KRTAP4-9: variants seen among roughly 807,000 people sequenced by gnomAD.
KRTAP4-9 encodes keratin-associated protein 4-9.
In KRTAP4-9, 4 loss-of-function variants were observed where a neutral mutation model predicts 4.3. That is an observed-to-expected ratio of 0.94 (90% CI 0.46 to 2.15). The LOEUF (loss-of-function observed/expected upper bound fraction) is 2.15, where lower values mean the gene tolerates loss of function less well. Among genes scored for constraint, KRTAP4-9 ranks in the 30% most tolerant of loss-of-function variants. The pLI, the probability that KRTAP4-9 is intolerant of heterozygous loss-of-function variation, is 0.02. For missense variants in KRTAP4-9, 297 were observed against 278.5 expected, an observed-to-expected ratio of 1.07 and a Z score of -0.47; for synonymous variants, 111 against 99.2, an observed-to-expected ratio of 1.12 and a Z score of -0.70.
At position 41,106,228 on chromosome 17, in the gene KRTAP4-9, C is replaced by G. The variant is rs1268508720; in HGVS notation, c.*207C>G. On this transcript the variant is annotated 3_prime_UTR_variant, in exon 1 of 1. Coordinates refer to ENST00000391415, the Ensembl canonical transcript of KRTAP4-9. ...CTCCCTCCCTTGCTTTCTTTTTCTTCCGGTGGTGGCACCAAATGTGAATTA... is the reference window on the plus strand; with the variant it reads ...CTCCCTCCCTTGCTTTCTTTTTCTTGCGGTGGTGGCACCAAATGTGAATTA... The G allele has an allele frequency of 3.3e-6, 3 of 906,056 alleles. No homozygotes were observed. The African/African-American group carries it at 5.1e-5, about 15-fold the overall frequency. 56.1% of individuals were successfully genotyped at this position (906,056 alleles called of 1,614,324 possible). A position where few individuals can be genotyped will look rare whatever the true frequency, so the allele number is the denominator to read the frequency against.
At chr17:41,106,258 G>C in exon 1 of KRTAP4-9, 3 of 706,684 alleles carry the variant, frequency 4.2e-6, no homozygotes, top group Non-Finnish European at 6.9e-6. Flanking sequence ...GAATTAATTT[G>C]TAATCCACTA....
exon 1 of KRTAP4-9, chr17:41,105,539 A>T (rs765962699): frequency 6.4e-7 from 1 of 1,560,722 alleles, no homozygotes; most frequent in Admixed American, 1.9e-5. Flanking sequence ...CAGCTGCTGC[A>T]GGCCCCAGTG....
chr17:41,106,152 A>T (rs2014088615), exon 1 of KRTAP4-9: 2 of 1,401,586 alleles, frequency 1.4e-6, no homozygotes, highest in East Asian at 2.5e-5. Context: ...GTTTCCAATG[A>T]GCCCATCACC....
chr17:41,106,225 C>G (rs1399583900), exon 1 of KRTAP4-9: 117 of 965,896 alleles, frequency 1.2e-4, no homozygotes, highest in Non-Finnish European at 2.7e-5. Context: ...CTTTCTTTTT[C>G]TTCCGGTGGT....
exon 1 of KRTAP4-9, chr17:41,105,820 C>T (rs2014077718): frequency 1.2e-6 from 2 of 1,612,060 alleles, no homozygotes; most frequent in Non-Finnish European, 1.7e-6. Flanking sequence ...AGTCTGTGTG[C>T]TGCCAGCCCA....
exon 1 of KRTAP4-9, chr17:41,106,344 G>T: frequency 2.2e-6 from 1 of 463,246 alleles, no homozygotes. Context: ...TCTCAGTGAG[G>T]CAGACATTAT....
At chr17:41,106,005 C>T in exon 1 of KRTAP4-9, 2 of 1,586,966 alleles carry the variant, frequency 1.3e-6, no homozygotes, top group Non-Finnish European at 1.7e-6. Context: ...TTGTGCTGTG[C>T]CTCCTCTTGC....
Position 41,105,903 on chromosome 17 carries a change from C to T in KRTAP4-9, c.515C>T (p.Pro172Leu), listed in dbSNP as rs1240497076. The T allele has an allele frequency of 1.9e-5, 30 of 1,608,336 alleles. No homozygotes were observed. The highest frequency in any genetic ancestry group is 2.3e-5 in the Non-Finnish European group (27 of 1,177,718). ...TGCTGTGAATCCAGCTGCTGCCGCC[C>T]CTGCTGCTGCGTGCGTCCAGTCTGT... Residue 172 changes from proline (P) to leucine (L), a missense_variant, in exon 1 of 1, where the codon CCC (proline) becomes CTC (leucine). Pro to Leu is a moderately conservative substitution (Grantham distance 98, BLOSUM62 -3). Coordinates refer to ENST00000391415, the Ensembl canonical transcript of KRTAP4-9.
exon 1 of KRTAP4-9, chr17:41,105,495 G>A (rs1265504276): frequency 1.3e-6 from 2 of 1,566,698 alleles, no homozygotes; most frequent in Non-Finnish European, 8.6e-7. Context: ...ACCTGCTGCA[G>A]GACCACCTGC....
At chr17:41,105,967 C>G (rs374077104) in exon 1 of KRTAP4-9, 73 of 1,601,620 alleles carry the variant, frequency 4.6e-5, no homozygotes, top group African/African-American at 1.3e-4. Context: ...ATCGCCCAAC[C>G]TGTGTCATCT....
chr17:41,105,902 C>T, exon 1 of KRTAP4-9: 2 of 1,608,934 alleles, frequency 1.2e-6, no homozygotes, highest in Non-Finnish European at 1.7e-6. Context: ...CTGCTGCCGC[C>T]CCTGCTGCTG....
chr17:41,105,913 C>G, exon 1 of KRTAP4-9: 1 of 1,608,568 alleles, frequency 6.2e-7, no homozygotes. Context: ...CCTGCTGCTG[C>G]GTGCGTCCAG....
exon 1 of KRTAP4-9, chr17:41,105,670 C>T (rs755304478): frequency 8.3e-6 from 13 of 1,566,332 alleles, no homozygotes; most frequent in South Asian, 1.1e-5. Context: ...GGCCCCAGTG[C>T]TGCCAGCCTG....
exon 1 of KRTAP4-9, chr17:41,105,486 C>G (rs751639754): frequency 6.2e-7 from 1 of 1,603,782 alleles, no homozygotes; most frequent in East Asian, 2.3e-5. Flanking sequence ...TGTGAGACCA[C>G]CTGCTGCAGG....
chr17:41,106,073 C>T, exon 1 of KRTAP4-9: 1 of 1,526,908 alleles, frequency 6.5e-7, no homozygotes, highest in Non-Finnish European at 8.8e-7. Context: ...CAGATGTAGA[C>T]CCTTCTACTG....
At chr17:41,106,312 C>T (rs1597985585) in exon 1 of KRTAP4-9, 1 of 577,886 alleles carries the variant, frequency 1.7e-6, no homozygotes, top group East Asian at 3.2e-5. Context: ...TTTTCTTTAT[C>T]ACTTTGAGGT....
exon 1 of KRTAP4-9, chr17:41,105,684 G>A (rs1162290623): frequency 6.4e-7 from 1 of 1,570,916 alleles, no homozygotes; most frequent in Non-Finnish European, 8.6e-7. Context: ...CAGCCTGCGT[G>A]CTGCCAACCC....
chr17:41,105,638 T>G, exon 1 of KRTAP4-9: 1 of 1,601,536 alleles, frequency 6.2e-7, no homozygotes, highest in Non-Finnish European at 8.5e-7. Flanking sequence ...CCGCCCCAGC[T>G]GTTGTGTGTC....
chr17:41,105,643 T>G (rs1597984924), exon 1 of KRTAP4-9: 2 of 1,600,306 alleles, frequency 1.2e-6, no homozygotes, highest in African/African-American at 2.8e-5. Context: ...CCAGCTGTTG[T>G]GTGTCCAGCT....
Sources: gnomAD v4.1 joint callset for allele counts on GRCh38, gnomAD v4.1.1 for gene constraint, MANE v1.5 for transcripts, NCBI Gene and HGNC (gene_info 2026-07-23, HGNC 2026-07-21) for gene names.